NPAS3: variants seen among roughly 807,000 people sequenced by gnomAD.
NPAS3 encodes the protein neuronal PAS domain protein 3, also known as neuronal PAS domain-containing protein 3.
Under a neutral mutation model 73.1 loss-of-function variants are expected in NPAS3, and 14 were observed. The ratio of observed to expected loss-of-function variants is 0.19; its 90% CI spans 0.13 to 0.30. NPAS3 has a LOEUF of 0.30. Among genes scored for constraint, NPAS3 ranks in the 10% least tolerant of loss-of-function variants. NPAS3 has a pLI of 1.00. For synonymous variants in NPAS3, 620 were observed against 541.5 expected (o/e 1.14, Z -2.01); for missense variants, 1,096 against 1,250.0 (o/e 0.88, Z 1.86).
At chr14:33,435,021 C>T (rs1248551523) in intron 4 of NPAS3, among the ~76,000 whole-genome samples, 2 of 152,174 alleles carry the variant, frequency 1.3e-5, no homozygotes, top group African/African-American at 4.8e-5. Context: ...GGAATAGACT[C>T]ACCTGCAGAT....
intron 2 of NPAS3, among the ~76,000 whole-genome samples, chr14:33,095,499 C>G (rs981960545): frequency 1.3e-5 from 2 of 152,046 alleles, no homozygotes; most frequent in African/African-American, 4.8e-5. Context: ...AAACAGAGAT[C>G]TGAAAGAACT....
At chr14:33,498,673 A>G (rs1486132016) in intron 4 of NPAS3, among the ~76,000 whole-genome samples, 3 of 150,020 alleles carry the variant, frequency 2.0e-5, no homozygotes, top group East Asian at 4.0e-4. Flanking sequence ...GGAACATCAC[A>G]TACTGTGGCC....
chr14:33,194,063 T>C (rs1196200505), intron 2 of NPAS3, among the ~76,000 whole-genome samples: 1 of 152,172 alleles, frequency 6.6e-6, no homozygotes, highest in Non-Finnish European at 1.5e-5. Context: ...CCAAAGGCAA[T>C]CATTTCAAAG....
intron 3 of NPAS3, among the ~76,000 whole-genome samples, chr14:33,333,528 T>C (rs994435227): frequency 3.9e-5 from 6 of 152,220 alleles, no homozygotes; most frequent in African/African-American, 9.6e-5. Flanking sequence ...AGCAGTATTT[T>C]GACTTATCCT....
At chr14:33,574,033 C>T (rs116333750) in intron 5 of NPAS3, among the ~76,000 whole-genome samples, 38 of 152,246 alleles carry the variant, frequency 2.5e-4, no homozygotes, top group African/African-American at 8.9e-4. Flanking sequence ...TTGAGAAGCT[C>T]GTGGGACATC....
At chr14:33,769,760 T>C (rs201254425) in intron 7 of NPAS3, among the ~76,000 whole-genome samples, 3 of 124,160 alleles carry the variant, frequency 2.4e-5, no homozygotes, top group South Asian at 2.8e-4. Flanking sequence ...TTTTTTCTTT[T>C]TTTTTTTTTT....
chr14:33,309,481 C>T (rs1191351819), intron 3 of NPAS3, among the ~76,000 whole-genome samples: 2 of 152,204 alleles, frequency 1.3e-5, no homozygotes, highest in Non-Finnish European at 2.9e-5. Flanking sequence ...GGCTGTGCGA[C>T]TCTGCTGCGT....
chr14:33,615,185 C>G (rs900780234), intron 5 of NPAS3, among the ~76,000 whole-genome samples: 1 of 152,144 alleles, frequency 6.6e-6, no homozygotes, highest in Non-Finnish European at 1.5e-5. Context: ...CAGTGTATAT[C>G]TGGAACTGAC....
intron 2 of NPAS3, among the ~76,000 whole-genome samples, chr14:33,094,924 G>A (rs1190360746): frequency 1.3e-5 from 2 of 152,108 alleles, no homozygotes; most frequent in African/African-American, 2.4e-5. Context: ...TTTTCACTAT[G>A]TAACAGGTGT....
At position 33,609,851 on chromosome 14, in the gene NPAS3, G is replaced by A. The variant is rs143841060; in HGVS notation, c.558+49641G>A. Reference sequence around the variant, plus strand: ...TCTGTCTGACTCCAATCAGGAGTTCGCAAGCATCATCCCCCAGATGTCCTA... The same window carrying A: ...TCTGTCTGACTCCAATCAGGAGTTCACAAGCATCATCCCCCAGATGTCCTA... On this transcript the variant is annotated intron_variant, in intron 5 of 11. Coordinates refer to ENST00000356141, the Ensembl canonical transcript of NPAS3. Among the ~76,000 whole-genome samples, 616 of 152,224 alleles carry A rather than the reference G, an allele frequency of 4.0e-3. 2 individuals are homozygous for A. The highest frequency in any genetic ancestry group is 6.4e-3 in the Non-Finnish European group (433 of 68,020).
intron 4 of NPAS3, among the ~76,000 whole-genome samples, chr14:33,511,768 T>C (rs1001425374): frequency 4.0e-4 from 61 of 152,236 alleles, no homozygotes; most frequent in Middle Eastern, 3.4e-3. Flanking sequence ...AGACTACTTG[T>C]CCTTGTATAG....
At chr14:33,068,307 G>A (rs1029645619) in intron 2 of NPAS3, among the ~76,000 whole-genome samples, 10 of 152,188 alleles carry the variant, frequency 6.6e-5, no homozygotes, top group East Asian at 3.9e-4. Flanking sequence ...ATTTCTTAGC[G>A]CGAGTTCTGT....
chr14:33,460,730 T>C (rs542028173), intron 4 of NPAS3, among the ~76,000 whole-genome samples: 4 of 151,838 alleles, frequency 2.6e-5, no homozygotes, highest in Non-Finnish European at 5.9e-5. Context: ...CGTCGTTTTG[T>C]TTTTTTACCT....
rs557988663 is a variant in NPAS3, at chr14:32,957,446, A to C, written c.50+18080A>C. ...GAGTGCAGTGGTGCGATCTCGGCTC[A>C]CTGCAAGCTCCGCCTCCTGGGTTCA... On this transcript the variant is annotated intron_variant, in intron 1 of 11. Coordinates refer to ENST00000356141, the Ensembl canonical transcript of NPAS3. Among the ~76,000 whole-genome samples, 5 of 147,636 alleles carry C rather than the reference A, an allele frequency of 3.4e-5. 1 individual carries two copies. The South Asian group carries it at 1.1e-3, about 31-fold the overall frequency.
chr14:33,782,878 A>G (rs147053590), intron 9 of NPAS3, among the ~76,000 whole-genome samples: 17 of 152,022 alleles, frequency 1.1e-4, no homozygotes, highest in African/African-American at 4.1e-4. Context: ...ACAAACTTCT[A>G]TACTTTCTAA....
chr14:33,787,456 T>C (rs1438222468), intron 9 of NPAS3, among the ~76,000 whole-genome samples: 1 of 151,802 alleles, frequency 6.6e-6, no homozygotes, highest in Non-Finnish European at 1.5e-5. Flanking sequence ...GGGCCTGTCA[T>C]TAGCGTATTA....
intron 4 of NPAS3, among the ~76,000 whole-genome samples, chr14:33,546,169 A>T (rs1205772139): frequency 6.6e-6 from 1 of 152,172 alleles, no homozygotes; most frequent in African/African-American, 2.4e-5. Flanking sequence ...CGATATCCAG[A>T]TTCCCATTTT....
Position 33,136,311 on chromosome 14 carries a change from A to G in NPAS3, c.141-78871A>G, listed in dbSNP as rs547305150. Among the ~76,000 whole-genome samples the G allele has an allele frequency of 3.2e-4, 48 of 151,966 alleles. No homozygotes were observed. In the East Asian group the frequency reaches 4.5e-3, roughly 14 times the overall value. On this transcript the variant is annotated intron_variant, in intron 2 of 11. Transcript: ENST00000356141. ...CCTGACCTCGTGATCCGCCCACCTT[A>G]GCCTCCCAAAGTGCTGCGATTACAG...
chr14:33,060,696 C>T (rs2041066987), intron 2 of NPAS3, among the ~76,000 whole-genome samples: 2 of 152,202 alleles, frequency 1.3e-5, no homozygotes. Flanking sequence ...CTCATCGGCA[C>T]AGAGTTGTGA....
Sources: allele counts gnomAD v4.1 joint callset (sites outside exome capture counted in the v4.1 genomes callset), GRCh38; gene constraint gnomAD v4.1.1; transcripts MANE v1.5; gene names NCBI Gene and HGNC (gene_info 2026-07-23, HGNC 2026-07-21).